AFG2A: variants seen among roughly 807,000 people sequenced by gnomAD.
AFG2A encodes AAA ATPase AFG2A, also known as ATPase family gene 2 protein homolog A.
the AFG2A span, among the ~76,000 whole-genome samples, chr4:123,174,826 A>ATAT: frequency 3.3e-4 from 49 of 150,392 alleles, 1 homozygote; most frequent in Non-Finnish European, 5.3e-4. Context: ...TTTTAAAAAA[A>ATAT]ATATATATAT....
chr4:123,003,617 G>A, the AFG2A span, among the ~76,000 whole-genome samples: 21 of 152,146 alleles, frequency 1.4e-4, no homozygotes, highest in Non-Finnish European at 2.4e-4. Flanking sequence ...CTGCAGAACC[G>A]TGCATTTTCA....
At chr4:123,064,739 A>C in the AFG2A span, among the ~76,000 whole-genome samples, 1 of 152,118 alleles carries the variant, frequency 6.6e-6, no homozygotes, top group Non-Finnish European at 1.5e-5. Context: ...CCTGAATCAT[A>C]CTCCTTAGCT....
the AFG2A span, among the ~76,000 whole-genome samples, chr4:123,222,550 A>C: frequency 6.6e-6 from 1 of 152,204 alleles, no homozygotes; most frequent in Non-Finnish European, 1.5e-5. Context: ...AACATTTAAC[A>C]TGAGGTCTAC....
the AFG2A span, among the ~76,000 whole-genome samples, chr4:123,236,125 C>G: frequency 2.0e-5 from 3 of 152,120 alleles, no homozygotes; most frequent in Non-Finnish European, 2.9e-5. Context: ...TAGATACACT[C>G]TCCTGAAAAT....
At chr4:123,011,462 A>G in the AFG2A span, among the ~76,000 whole-genome samples, 2 of 152,178 alleles carry the variant, frequency 1.3e-5, no homozygotes, top group Non-Finnish European at 2.9e-5. Flanking sequence ...ACTTTTACAT[A>G]TTGGTTTCAC....
the AFG2A span, among the ~76,000 whole-genome samples, chr4:123,216,307 G>C: frequency 6.6e-6 from 1 of 152,062 alleles, no homozygotes; most frequent in Non-Finnish European, 1.5e-5. Flanking sequence ...TTCCTGGAAG[G>C]TGGTTAATAT....
chr4:123,002,466 T>G, the AFG2A span, among the ~76,000 whole-genome samples: 10 of 152,340 alleles, frequency 6.6e-5, no homozygotes, highest in East Asian at 1.2e-3. Context: ...CCATGTTTAG[T>G]GCTTCCTTCA....
chr4:122,989,321 G>C, the AFG2A span, among the ~76,000 whole-genome samples: 163 of 152,210 alleles, frequency 1.1e-3, no homozygotes, highest in African/African-American at 3.6e-3. Flanking sequence ...GAGTCCTTGG[G>C]TATCTTGGTT....
chr4:123,137,604 A>G, the AFG2A span, among the ~76,000 whole-genome samples: 2 of 152,142 alleles, frequency 1.3e-5, no homozygotes, highest in Non-Finnish European at 1.5e-5. Flanking sequence ...GTTGACTTTC[A>G]TATAGATAGC....
At chr4:122,995,425 T>G in the AFG2A span, among the ~76,000 whole-genome samples, 2 of 152,164 alleles carry the variant, frequency 1.3e-5, no homozygotes, top group African/African-American at 4.8e-5. Flanking sequence ...TAATAGCAAT[T>G]GAACAGGAAA....
chr4:123,262,483 C>G, the AFG2A span, among the ~76,000 whole-genome samples: 1 of 152,310 alleles, frequency 6.6e-6, no homozygotes, highest in Admixed American at 6.5e-5. Flanking sequence ...CCACGATCTC[C>G]TAATGCCTCT....
At chr4:122,968,977 A>G in the AFG2A span, among the ~76,000 whole-genome samples, 1 of 152,100 alleles carries the variant, frequency 6.6e-6, no homozygotes, top group Non-Finnish European at 1.5e-5. Context: ...TTTTAAAAAT[A>G]TATTGATTTG....
At chr4:122,997,498 T>C in the AFG2A span, among the ~76,000 whole-genome samples, 1 of 152,222 alleles carries the variant, frequency 6.6e-6, no homozygotes, top group African/African-American at 2.4e-5. Context: ...CCAGATCATA[T>C]TCCATTGTGT....
chr4:123,227,078 G>T, the AFG2A span, among the ~76,000 whole-genome samples: 1 of 151,944 alleles, frequency 6.6e-6, no homozygotes, highest in African/African-American at 2.4e-5. Context: ...ATTTTTTATT[G>T]CATCTATTTG....
At chr4:123,173,340 GTTTTTTTTTTTTTTTTTT>G in the AFG2A span, among the ~76,000 whole-genome samples, 28 of 70,304 alleles carry the variant, frequency 4.0e-4, no homozygotes, top group Admixed American at 1.3e-3. Context: ...AAGTCCAATG[GTTTTTTTTTTTTTTTTTT>G]TTTTTTTTTT....
chr4:123,208,067 CATAAGAATAGACT>C, the AFG2A span, among the ~76,000 whole-genome samples: 1 of 152,088 alleles, frequency 6.6e-6, no homozygotes, highest in Non-Finnish European at 1.5e-5. Context: ...GTGCTACTAG[CATAAGAATAGACT>C]ATATGTAGAC....
chr4:123,299,024 A>G, the AFG2A span, among the ~76,000 whole-genome samples: 1 of 152,178 alleles, frequency 6.6e-6, no homozygotes, highest in Non-Finnish European at 1.5e-5. Context: ...CACAAGTGGT[A>G]GGCCTTGGAA....
At chr4:123,061,752 C>A in the AFG2A span, among the ~76,000 whole-genome samples, 1 of 152,264 alleles carries the variant, frequency 6.6e-6, no homozygotes, top group Non-Finnish European at 1.5e-5. Context: ...TGAAGTGAAG[C>A]ACTCAAGCCC....
the AFG2A span, among the ~76,000 whole-genome samples, chr4:123,041,541 G>A: frequency 6.6e-5 from 10 of 151,262 alleles, no homozygotes; most frequent in African/African-American, 2.2e-4. Context: ...TGTTTTTGTT[G>A]TTTTTTTGAG....
Sources: allele counts gnomAD v4.1 joint callset (sites outside exome capture counted in the v4.1 genomes callset), GRCh38; gene constraint gnomAD v4.1.1; transcripts MANE v1.5; gene names NCBI Gene and HGNC (gene_info 2026-07-23, HGNC 2026-07-21).